Variants in USP10 observed in about 807,000 individuals in gnomAD.
USP10 encodes ubiquitin specific peptidase 10.
USP10 carries 22 observed loss-of-function variants against 84.5 expected under a neutral mutation model. The ratio of observed to expected loss-of-function variants is 0.26; its 90% confidence interval spans 0.19 to 0.37. The LOEUF (loss-of-function observed/expected upper bound fraction) is 0.37, where lower values mean the gene tolerates loss of function less well. USP10 is among the 10% of genes least tolerant of loss of function. The pLI is 1.00. For synonymous variants in USP10, 454 were observed against 387.6 expected (o/e 1.17, Z -2.01); for missense variants, 1,019 against 998.9 (o/e 1.02, Z -0.27).
At chr16:84,771,891 G>T (rs1438878390) in intron 11 of USP10, among the ~76,000 whole-genome samples, 6 of 152,130 alleles carry the variant, frequency 3.9e-5, no homozygotes, top group African/African-American at 1.4e-4. Context: ...GGGGGAGTCA[G>T]TACATAAATA....
At chr16:84,709,526 T>C (rs1157434251) in intron 1 of USP10, among the ~76,000 whole-genome samples, 5 of 152,012 alleles carry the variant, frequency 3.3e-5, no homozygotes, top group Non-Finnish European at 7.4e-5. Flanking sequence ...CACATTGCCT[T>C]TTGGGATCAT....
chr16:84,753,421 G>C (rs1406995854), intron 4 of USP10, among the ~76,000 whole-genome samples: 1 of 152,034 alleles, frequency 6.6e-6, no homozygotes, highest in East Asian at 1.9e-4. Context: ...ACCTCTATTA[G>C]CTCTTTATTT....
intron 1 of USP10, among the ~76,000 whole-genome samples, chr16:84,700,472 G>C (rs918119877): frequency 4.6e-5 from 7 of 152,010 alleles, no homozygotes; most frequent in African/African-American, 1.7e-4. Flanking sequence ...GAGGCGGCCC[G>C]GGGGCTCCGG....
chr16:84,716,427 C>A (rs1283903748), intron 1 of USP10: 3 of 152,156 alleles, frequency 2.0e-5, no homozygotes, highest in African/African-American at 7.2e-5. Flanking sequence ...CATCTTCATT[C>A]AGCAAATCTT....
chr16:84,763,148 A>T, intron 9 of USP10, 60 bp downstream of exon 9: 1 of 1,071,430 alleles, frequency 9.3e-7, no homozygotes, highest in South Asian at 1.4e-5. Flanking sequence ...CAGGTGTTGC[A>T]TACTCATATG....
At chr16:84,717,593 A>C (rs1159270192) in intron 1 of USP10, among the ~76,000 whole-genome samples, 1 of 152,200 alleles carries the variant, frequency 6.6e-6, no homozygotes, top group Non-Finnish European at 1.5e-5. Flanking sequence ...CTAGTCTCTT[A>C]GGTGCCAAGC....
intron 1 of USP10, 177 bp from the exon 2 acceptor site, chr16:84,733,258 T>G: frequency 1.6e-6 from 1 of 610,724 alleles, no homozygotes; most frequent in Non-Finnish European, 2.9e-6. Context: ...TTCAGTAGTA[T>G]TTCTTTTATA....
intron 8 of USP10, among the ~76,000 whole-genome samples, chr16:84,760,782 CTTA>C (rs1913118113): frequency 6.6e-6 from 1 of 152,034 alleles, no homozygotes; most frequent in Non-Finnish European, 1.5e-5. Context: ...CCAGGGAGCC[CTTA>C]TAAAAGGCCC....
At position 84,700,124 on chromosome 16, in the gene USP10, C is replaced by A. The variant is rs1212114269; in HGVS notation, c.21+13C>A. 7.5e-7 allele frequency: 1 copy of A among 1,341,470 alleles called. No individual in the cohort carries two copies. Among genetic ancestry groups the A allele is most frequent in the Non-Finnish European group, 9.8e-7 (1 of 1,024,796 alleles). The allele number at this position is 1,341,470 out of a possible 1,614,324, so 83.1% of individuals were successfully genotyped here. On this transcript the variant is annotated intron_variant, in intron 1 of 13. Transcript: ENST00000219473. ...CCACAGCCCGCAGGTAGCCGCCGGT[C>A]TGCGCCTTCGGCCGGAAGGGGCCCG...
chr16:84,740,504 T>C (rs937331762), intron 3 of USP10, 135 bp downstream of exon 3: 4 of 688,448 alleles, frequency 5.8e-6, no homozygotes, highest in Non-Finnish European at 9.9e-6. Context: ...TAAACTGTAA[T>C]GTATTTAATT....
At chr16:84,742,437 C>G (rs1003201055) in intron 3 of USP10, among the ~76,000 whole-genome samples, 1 of 152,208 alleles carries the variant, frequency 6.6e-6, no homozygotes, top group African/African-American at 2.4e-5. Context: ...TGTGAACTCT[C>G]TGAGCAGGGC....
At chr16:84,737,025 T>TG (rs1910025280) in intron 2 of USP10, among the ~76,000 whole-genome samples, 2 of 152,160 alleles carry the variant, frequency 1.3e-5, no homozygotes, top group African/African-American at 4.8e-5. Context: ...CCTGACCTCG[T>TG]GGTCTGCCCG....
At chr16:84,758,578 A>T (rs769613226) in intron 4 of USP10, 138 bp from the exon 5 acceptor site, 3 of 651,820 alleles carry the variant, frequency 4.6e-6, no homozygotes, top group Non-Finnish European at 8.3e-6. Flanking sequence ...ATGAAGCCTT[A>T]ACAGTATGCA....
rs1031513386 is a variant in USP10 at position 84,779,148 on chromosome 16, C to T, written c.*66C>T. 60 of 1,540,924 alleles carry T rather than the reference C, an allele frequency of 3.9e-5. No homozygotes were observed. Among genetic ancestry groups the T allele is most frequent in the African/African-American group, 1.5e-4 (11 of 73,510 alleles). On this transcript the variant is annotated 3_prime_UTR_variant, in exon 14 of 14. Transcript: ENST00000219473. ...AGGACACCACCTCACACTCACTTCC[C>T]GCCTCTCTTTAGTGGCTCTTTAGAG...
At chr16:84,751,371 T>C (rs2150834260) in intron 4 of USP10, among the ~76,000 whole-genome samples, 1 of 152,302 alleles carries the variant, frequency 6.6e-6, no homozygotes, top group African/African-American at 2.4e-5. Context: ...TGCATATATT[T>C]CCCCCCGCTC....
At chr16:84,754,987 C>T (rs1240951095) in intron 4 of USP10, among the ~76,000 whole-genome samples, 5 of 118,212 alleles carry the variant, frequency 4.2e-5, no homozygotes, top group Non-Finnish European at 9.0e-5. Context: ...GACTTTGTCC[C>T]AGAAAAAAAA....
chr16:84,764,790 A>G (rs1913635203), intron 10 of USP10, among the ~76,000 whole-genome samples: 2 of 151,592 alleles, frequency 1.3e-5, no homozygotes, highest in South Asian at 2.1e-4. Context: ...AGATAGCGCC[A>G]TTGCACTCCA....
At chr16:84,735,131 G>T (rs56824306) in intron 2 of USP10, among the ~76,000 whole-genome samples, 14,062 of 151,730 alleles carry the variant, frequency 0.093, 686 homozygotes, top group South Asian at 0.19. Flanking sequence ...CCCCGCCTCA[G>T]GGGGGTTCTC....
chr16:84,767,322 A>G (rs1049126882), intron 10 of USP10, among the ~76,000 whole-genome samples: 72 of 152,230 alleles, frequency 4.7e-4, no homozygotes, highest in African/African-American at 1.7e-3. Flanking sequence ...TTTTACTCAG[A>G]AAAACTTAGA....
Sources: gnomAD v4.1 joint callset for allele counts (sites outside exome capture counted in the v4.1 genomes callset) on GRCh38, gnomAD v4.1.1 for gene constraint, MANE v1.5 for transcripts, NCBI Gene and HGNC (gene_info 2026-07-23, HGNC 2026-07-21) for gene names.